Variants in BABAM2 observed in about 807,000 individuals in gnomAD.
BABAM2 encodes the protein BRISC and BRCA1 A complex member 2.
BABAM2 carries 31 observed loss-of-function variants against 54.7 expected under a neutral mutation model. The ratio of observed to expected loss-of-function variants is 0.57; its 90% CI spans 0.43 to 0.77. BABAM2 has a LOEUF of 0.77. Among genes scored for constraint, BABAM2 ranks in the 30% least tolerant of loss-of-function variants. The pLI, the probability that BABAM2 is intolerant of heterozygous loss-of-function variation, is 0.00. For synonymous variants in BABAM2, 167 were observed against 162.9 expected, an observed-to-expected ratio of 1.03 and a Z score of -0.19; for missense variants, 364 against 455.8, an observed-to-expected ratio of 0.80 and a Z score of 1.83.
intron 2 of BABAM2, among the ~76,000 whole-genome samples, chr2:27,924,795 TAAG>T (rs1667568172): frequency 6.6e-6 from 1 of 152,170 alleles, no homozygotes; most frequent in South Asian, 2.1e-4. Context: ...AGAGGTAACT[TAAG>T]AAGAGGAAAC....
chr2:28,138,427 A>G (rs1670733056), intron 7 of BABAM2, among the ~76,000 whole-genome samples: 1 of 152,210 alleles, frequency 6.6e-6, no homozygotes, highest in South Asian at 2.1e-4. Context: ...AATGAGAGCC[A>G]TAGACTTCAC....
At chr2:28,082,309 C>G (rs946122704) in intron 6 of BABAM2, among the ~76,000 whole-genome samples, 7 of 152,148 alleles carry the variant, frequency 4.6e-5, no homozygotes, top group African/African-American at 1.4e-4. Context: ...TGTGGTTGAG[C>G]ACTGGTATTT....
chr2:28,335,079 T>C (rs1393672756), intron 11 of BABAM2, among the ~76,000 whole-genome samples: 1 of 151,916 alleles, frequency 6.6e-6, no homozygotes, highest in Non-Finnish European at 1.5e-5. Flanking sequence ...AATTTGAGAA[T>C]GGACTAAAGT....
intron 11 of BABAM2, among the ~76,000 whole-genome samples, chr2:28,336,770 G>A (rs1691507634): frequency 6.6e-6 from 1 of 152,238 alleles, no homozygotes; most frequent in Non-Finnish European, 1.5e-5. Flanking sequence ...GGCACCAGCC[G>A]CTGCATTTGC....
intron 6 of BABAM2, among the ~76,000 whole-genome samples, chr2:28,104,309 T>C (rs1667322170): frequency 6.6e-6 from 1 of 152,174 alleles, no homozygotes; most frequent in Non-Finnish European, 1.5e-5. Flanking sequence ...AAAGGGCTAA[T>C]ATCCAGAATC....
chr2:28,257,478 G>GTT (rs1468554333), intron 10 of BABAM2, among the ~76,000 whole-genome samples: 7 of 152,172 alleles, frequency 4.6e-5, no homozygotes. Context: ...GGTGTTGTGT[G>GTT]TGTCAATGTT....
chr2:28,070,355 C>A (rs1235140314), intron 6 of BABAM2, among the ~76,000 whole-genome samples: 1 of 152,058 alleles, frequency 6.6e-6, no homozygotes, highest in Non-Finnish European at 1.5e-5. Flanking sequence ...CTATAATGCC[C>A]CATGCATGTC....
intron 7 of BABAM2, among the ~76,000 whole-genome samples, chr2:28,227,280 G>T (rs1168312754): frequency 2.0e-5 from 3 of 151,956 alleles, no homozygotes; most frequent in African/African-American, 7.3e-5. Flanking sequence ...TCCTCTCTAG[G>T]TAGATACCCC....
At chr2:28,249,087 GTT>G (rs367887351) in intron 10 of BABAM2, among the ~76,000 whole-genome samples, 11 of 129,564 alleles carry the variant, frequency 8.5e-5, no homozygotes, top group Non-Finnish European at 8.4e-5. Flanking sequence ...TTGTTTGCTT[GTT>G]TTTTTTTTTT....
At chr2:27,970,506 C>A (rs527334532) in intron 3 of BABAM2, among the ~76,000 whole-genome samples, 47 of 152,236 alleles carry the variant, frequency 3.1e-4, no homozygotes, top group Admixed American at 9.8e-4. Flanking sequence ...ATCTCTAAAT[C>A]TTTGAGTCAT....
intron 6 of BABAM2, among the ~76,000 whole-genome samples, chr2:28,066,969 C>T (rs1425677581): frequency 6.6e-6 from 1 of 152,086 alleles, no homozygotes; most frequent in Admixed American, 6.5e-5. Context: ...ATTTTTGAGG[C>T]GGAGTTTTGC....
intron 3 of BABAM2, among the ~76,000 whole-genome samples, chr2:27,987,498 G>T (rs1211033924): frequency 6.6e-6 from 1 of 151,960 alleles, no homozygotes; most frequent in East Asian, 1.9e-4. Context: ...TTTTTTGATT[G>T]CTTGTTGTGG....
At chr2:28,025,136 C>T in intron 4 of BABAM2, 90 bp from the exon 5 acceptor site, 1 of 1,196,276 alleles carries the variant, frequency 8.4e-7, no homozygotes, top group Non-Finnish European at 1.2e-6. Context: ...TTCTATTACT[C>T]TTTTCCTCTA....
chr2:28,063,088 G>A (rs1001916932), intron 6 of BABAM2, among the ~76,000 whole-genome samples: 23 of 152,176 alleles, frequency 1.5e-4, no homozygotes, highest in Admixed American at 8.5e-4. Flanking sequence ...TGCCTGGCAG[G>A]GGTTAGTTTA....
At chr2:28,023,451 C>T (rs184548563) in intron 4 of BABAM2, among the ~76,000 whole-genome samples, 3 of 152,134 alleles carry the variant, frequency 2.0e-5, no homozygotes, top group Non-Finnish European at 2.9e-5. Flanking sequence ...AAGTTCTATA[C>T]GGTGCTGTTA....
chr2:28,133,809 G>A (rs2147713367), intron 7 of BABAM2, among the ~76,000 whole-genome samples: 1 of 152,298 alleles, frequency 6.6e-6, no homozygotes, highest in South Asian at 2.1e-4. Context: ...AGACAATCCT[G>A]ACAAAAGAGA....
At chr2:28,082,115 A>G (rs543136097) in intron 6 of BABAM2, among the ~76,000 whole-genome samples, 1 of 152,326 alleles carries the variant, frequency 6.6e-6, no homozygotes, top group Non-Finnish European at 1.5e-5. Context: ...TATGGGGGAA[A>G]AAAAACAACC....
chr2:28,276,096 G>T (rs547653723), intron 10 of BABAM2, among the ~76,000 whole-genome samples: 1 of 152,064 alleles, frequency 6.6e-6, no homozygotes, highest in East Asian at 1.9e-4. Context: ...ATTTAGCTGA[G>T]TAACTTGTGG....
chr2:27,911,002 C>T (rs1666549492), intron 2 of BABAM2, among the ~76,000 whole-genome samples: 1 of 152,164 alleles, frequency 6.6e-6, no homozygotes. Flanking sequence ...TGAGTTCTCA[C>T]ACAATCTGAT....
Sources: gnomAD v4.1 joint callset for allele counts (sites outside exome capture counted in the v4.1 genomes callset) on GRCh38, gnomAD v4.1.1 for gene constraint, MANE v1.5 for transcripts, NCBI Gene and HGNC (gene_info 2026-07-23, HGNC 2026-07-21) for gene names.